Variants in SCYL1 observed in about 807,000 individuals in gnomAD.
SCYL1 encodes N-terminal kinase-like protein.
A neutral mutation model predicts 94.8 loss-of-function variants in SCYL1; 85 were observed. The observed-to-expected ratio is 0.90, with a 90% confidence interval of 0.75 to 1.07. SCYL1 has a LOEUF of 1.07. Among genes scored for constraint, SCYL1 ranks in the 50% least tolerant of loss-of-function variants. The pLI is 0.00. For missense variants in SCYL1, 968 were observed against 1,083.3 expected (o/e 0.89, Z 1.49); for synonymous variants, 459 against 435.5 (o/e 1.05, Z -0.67).
chr11:65,525,663 C>A lies in SCYL1; in HGVS notation c.201C>A (p.Arg67=). Residue 67 remains arginine (R), a synonymous_variant, in exon 2 of 18, where the codon CGC becomes CGA. Transcript: ENST00000270176. ...QTQVAKAAFK[R]FKTLRHPNIL... ...AGGTGGCCAAAGCTGCCTTCAAGCG[C>A]TTCAAAACTCTACGGCACCCCAACA... 2 of 1,612,848 alleles carry A rather than the reference C, an allele frequency of 1.2e-6. No homozygotes were observed. Among genetic ancestry groups the A allele is most frequent in the Non-Finnish European group, 1.7e-6 (2 of 1,179,962 alleles).
chr11:65,531,464 C>A (rs183677170), intron 7 of SCYL1, 112 bp from the exon 8 acceptor site: 4 of 757,800 alleles, frequency 5.3e-6, no homozygotes, highest in Non-Finnish European at 9.1e-6. Context: ...CTGCCCCCCC[C>A]TCCGCCATCA....
intron 9 of SCYL1, 155 bp downstream of exon 9, chr11:65,532,960 C>T (rs1241576693): frequency 8.2e-6 from 5 of 606,110 alleles, no homozygotes; most frequent in Non-Finnish European, 1.2e-5. Context: ...CGGCAGCTGG[C>T]GGGGGAGCAC....
chr11:65,531,671 C>T lies in SCYL1; in HGVS notation c.1104C>T (p.Arg368=). 3.7e-6 allele frequency: 6 copies of T among 1,612,976 alleles called. No homozygotes were observed. The highest frequency in any genetic ancestry group is 5.1e-6 in the Non-Finnish European group (6 of 1,179,038). Residue 368 remains arginine (R), a synonymous_variant, in exon 8 of 18, where the codon CGC becomes CGT. Coordinates refer to ENST00000270176, the MANE Select transcript of SCYL1 (RefSeq NM_020680.4). ...FSSTDRAMRI[R]LLQQMEQFIQ... Reference sequence around the variant, plus strand: ...CCACTGACCGGGCCATGCGCATCCGCCTCCTGCAGCAGGTGAGGCCTCTGT... The same window carrying T: ...CCACTGACCGGGCCATGCGCATCCGTCTCCTGCAGCAGGTGAGGCCTCTGT...
chr11:65,525,318 G>A, intron 1 of SCYL1, 54 bp downstream of exon 1: 3 of 1,292,900 alleles, frequency 2.3e-6, no homozygotes, highest in Non-Finnish European at 2.0e-6. Context: ...TGCCTATTCC[G>A]CGCCGCCGAC....
At chr11:65,531,297 A>G (rs577173449) in intron 7 of SCYL1, among the ~76,000 whole-genome samples, 20 of 152,304 alleles carry the variant, frequency 1.3e-4, no homozygotes, top group Admixed American at 7.2e-4. Context: ...GAGAACCCCC[A>G]GAAATTGCAG....
At chr11:65,532,317 C>T (rs1480272569) in intron 8 of SCYL1, among the ~76,000 whole-genome samples, 2 of 151,464 alleles carry the variant, frequency 1.3e-5, no homozygotes, top group East Asian at 1.9e-4. Flanking sequence ...CCCAGCTGCT[C>T]AGGAGGCTGA....
intron 6 of SCYL1, among the ~76,000 whole-genome samples, chr11:65,529,359 G>A (rs1174081395): frequency 6.6e-6 from 1 of 152,210 alleles, no homozygotes; most frequent in Admixed American, 6.5e-5. Flanking sequence ...TCCTTAAAGT[G>A]TACCCCATAG....
intron 12 of SCYL1, 25 bp downstream of exon 12, chr11:65,536,359 C>T: frequency 6.2e-7 from 1 of 1,610,352 alleles, no homozygotes; most frequent in Non-Finnish European, 8.5e-7. Context: ...CTCGTGTTCC[C>T]TCTTTCCCTG....
At chr11:65,532,886 C>G in intron 9 of SCYL1, 81 bp downstream of exon 9, 1 of 1,096,742 alleles carries the variant, frequency 9.1e-7, no homozygotes, top group Non-Finnish European at 1.4e-6. Context: ...GAGGCCTTGG[C>G]TTTGGCCCAT....
At position 65,536,323 on chromosome 11, in the gene SCYL1, T is replaced by G; in HGVS notation, c.1640T>G (p.Leu547Arg). 1 of 1,614,124 alleles carries G rather than the reference T, an allele frequency of 6.2e-7. No individual in the cohort carries two copies. The highest frequency in any genetic ancestry group is 8.5e-7 in the Non-Finnish European group (1 of 1,179,974). ...TCTGTGTCGGAGGACCCGACCCAGC[T>G]GGAGGAAGTGGGTGAGTGGCTTACA... is the stretch of plus-strand genomic sequence containing the variant. ...LESVSEDPTQ[L>R]EEVEKDVHAA... Residue 547 changes from leucine to arginine, a missense_variant, in exon 12 of 18, where the codon CTG (leucine) becomes CGG (arginine). Leu to Arg is a moderately radical substitution (Grantham distance 102). Transcript: ENST00000270176.
chr11:65,536,011 CGTCCCGG>C lies in SCYL1; in HGVS notation c.1448_1454del (p.Ser483LeufsTer16), dbSNP rs766628261. On this transcript the variant is annotated frameshift_variant, in exon 11 of 18. Transcript: ENST00000270176. LOFTEE classifies it high-confidence loss of function. ...CGAGCCACTAGGGACCCGTTTGCAC[CGTCCCGG>C]GTTGCGGGTGTCCTGGGCTTTGCTG... 3.1e-6 allele frequency: 5 copies of C among 1,613,518 alleles called. No individual in the cohort carries two copies. The highest frequency in any genetic ancestry group is 1.3e-5 in the African/African-American group (1 of 74,918).
chr11:65,535,093 C>A, intron 9 of SCYL1, 134 bp from the exon 10 acceptor site: 3 of 1,132,380 alleles, frequency 2.6e-6, no homozygotes, highest in Non-Finnish European at 3.8e-6. Flanking sequence ...CTGGACAGGG[C>A]CAGGCCCAGG....
At chr11:65,527,240 C>G in intron 6 of SCYL1, 123 bp downstream of exon 6, 1 of 1,115,428 alleles carries the variant, frequency 9.0e-7, no homozygotes, top group Non-Finnish European at 1.3e-6. Context: ...TTAGGCCAAT[C>G]CGGGTTCAAA....
Position 65,538,113 on chromosome 11 carries a change from C to T in SCYL1, c.2178C>T (p.Asn726=). ...PDGTRLASEY[N]WGGPESSDKG... ...GTACACGGCTGGCCAGCGAGTATAA[C>T]TGGGGTGGCCCAGAGTCCAGCGACA... Residue 726 remains asparagine (N), a synonymous_variant, in exon 16 of 18, where the codon AAC becomes AAT. Transcript: ENST00000270176. 4 of 1,603,986 alleles carry T rather than the reference C, an allele frequency of 2.5e-6. No individual in the cohort carries two copies. In the South Asian group the frequency reaches 3.4e-5, roughly 13 times the overall value.
In SCYL1 at chr11:65,525,151, A is replaced by G; in HGVS notation, c.-3A>G. 3.0e-6 allele frequency: 4 copies of G among 1,334,426 alleles called. No individual in the cohort carries two copies. The highest frequency in any genetic ancestry group is 1.9e-5 in the South Asian group (1 of 51,598). The allele number at this position is 1,334,426 out of a possible 1,614,324, so 82.7% of individuals were successfully genotyped here. On this transcript the variant is annotated 5_prime_UTR_variant, in exon 1 of 18. Transcript: ENST00000270176. ...GCCCGAACCCGCGGCGGCGGTGGGG[A>G]CGATGTGGTTCTTTGCCCGGGACCC...
chr11:65,531,155 C>A (rs566892885), intron 7 of SCYL1, among the ~76,000 whole-genome samples: 17 of 152,206 alleles, frequency 1.1e-4, no homozygotes, highest in African/African-American at 3.6e-4. Context: ...GGATCTTCCA[C>A]CCTTTCCTCA....
chr11:65,536,099 C>T lies in SCYL1; in HGVS notation c.1533C>T (p.Leu511=). 1 of 1,614,160 alleles carries T rather than the reference C, an allele frequency of 6.2e-7. No individual in the cohort carries two copies. The highest frequency in any genetic ancestry group is 1.7e-5 in the Admixed American group (1 of 60,016). The change falls in exon 11 of 18, where the codon CTC becomes CTT. Residue 511 remains leucine, a synonymous_variant. Coordinates refer to ENST00000270176, the MANE Select transcript of SCYL1 (RefSeq NM_020680.4). ...NDCAQKILPV[L]CGLTVDPEKS... ...GTGCCCAGAAGATCCTGCCTGTGCT[C>T]TGCGGTCTCACTGTAGATCCTGAGA...
chr11:65,535,932 C>T (rs1431893583), intron 10 of SCYL1, 21 bp from the exon 11 acceptor site: 1 of 1,549,024 alleles, frequency 6.5e-7, no homozygotes, highest in Non-Finnish European at 8.7e-7. Context: ...CTCAGGAGCC[C>T]TCTTTCCTGC....
Position 65,526,791 on chromosome 11 carries a change from A to G in SCYL1, c.611A>G (p.Asp204Gly). ...GRVVREKWSADMWRLGCLIWE... is the reference protein window; with the variant it reads ...GRVVREKWSAGMWRLGCLIWE... The stretch of plus-strand genomic sequence containing the variant: ...CTGGGTCACTGCCACAGGTCAGCAG[A>G]CATGTGGCGCTTGGGCTGCCTCATT... The change falls in exon 5 of 18, where the codon GAC becomes GGC. Residue 204 changes from aspartate to glycine, a missense_variant. Transcript: ENST00000270176. The surrounding 1 kb of genome is among the most constrained non-coding windows in gnomAD (Gnocchi z 4.1). The G allele has an allele frequency of 1.2e-6, 2 of 1,612,544 alleles. No individual in the cohort carries two copies. Among genetic ancestry groups the G allele is most frequent in the South Asian group, 2.2e-5 (2 of 91,024 alleles).
Sources: gnomAD v4.1 joint callset for allele counts (sites outside exome capture counted in the v4.1 genomes callset) on GRCh38, gnomAD v4.1.1 for gene constraint, Gnocchi (gnomAD v3.1) non-coding constraint, MANE v1.5 for transcripts, NCBI Gene and HGNC (gene_info 2026-07-23, HGNC 2026-07-21) for gene names.